POLA1: variants seen among roughly 807,000 people sequenced by gnomAD.
POLA1 encodes the protein DNA polymerase alpha catalytic subunit.
Under a neutral mutation model 124.0 loss-of-function variants are expected in POLA1, and 15 were observed. The observed-to-expected ratio is 0.12, with a 90% CI of 0.08 to 0.19. The LOEUF (loss-of-function observed/expected upper bound fraction) is 0.19. POLA1 is among the 10% of genes least tolerant of loss of function. POLA1 has a pLI of 1.00. For synonymous variants in POLA1, 408 were observed against 389.4 expected (o/e 1.05, Z -0.56); for missense variants, 886 against 1,103.4 (o/e 0.80, Z 2.79).
At chrX:24,788,776 A>G (rs377264516) in intron 26 of POLA1, 58 of 1,200,327 alleles carry the variant, frequency 4.8e-5, no homozygotes, top group Non-Finnish European at 6.3e-5. Context: ...CAATGTCATC[A>G]TCATCTTTAC....
chrX:24,965,464 T>G (rs2048211066), intron 36 of POLA1, among the ~76,000 whole-genome samples: 1 of 112,244 alleles, frequency 8.9e-6, no homozygotes. Context: ...TTCCACTGTA[T>G]GTGAGTTCCT....
intron 36 of POLA1, among the ~76,000 whole-genome samples, chrX:24,960,281 T>C (rs1400814161): frequency 1.8e-5 from 2 of 112,123 alleles, no homozygotes; most frequent in Non-Finnish European, 3.8e-5. Flanking sequence ...TCTACATTCA[T>C]GCTAAATAAA....
chrX:24,827,797 G>A (rs763136087), intron 32 of POLA1, among the ~76,000 whole-genome samples: 14 of 112,201 alleles, frequency 1.2e-4, no homozygotes, highest in Non-Finnish European at 2.4e-4. Context: ...GAAGGACTCC[G>A]TGAGTGGTAG....
intron 26 of POLA1, among the ~76,000 whole-genome samples, chrX:24,781,990 A>C (rs1049418875): frequency 8.9e-6 from 1 of 111,767 alleles, no homozygotes; most frequent in East Asian, 2.8e-4. Flanking sequence ...GTCAGGAGCC[A>C]TGCACTGTTC....
intron 11 of POLA1, among the ~76,000 whole-genome samples, chrX:24,723,742 A>G (rs1930350206): frequency 8.9e-6 from 1 of 112,149 alleles, no homozygotes; most frequent in Non-Finnish European, 1.9e-5. Flanking sequence ...GTGCAATGGC[A>G]CAATCTCGGC....
At position 24,947,443 on chromosome X, in the gene POLA1, A is replaced by AT. The variant is rs1268946337; in HGVS notation, c.4261+16904dup. 8.1e-3 allele frequency among the ~76,000 whole-genome samples: 807 copies of AT among 99,879 alleles called. 3 individuals carry two copies. The highest frequency in any genetic ancestry group is 0.012 in the Admixed American group (109 of 9,136). The allele number at this position is 99,879 out of a possible 115,157, so 86.7% of individuals were successfully genotyped here. On this transcript the variant is annotated intron_variant, in intron 36 of 36. Coordinates refer to ENST00000379068, the MANE Select transcript of POLA1 (RefSeq NM_001330360.2). ...CCACCATGCCTGGCTAATTTTTTGT[A>AT]TTTTTTTTTTAGAGACAAGGTTTTG...
intron 2 of POLA1, among the ~76,000 whole-genome samples, chrX:24,700,708 C>T (rs1459652066): frequency 1.8e-5 from 2 of 111,591 alleles, no homozygotes; most frequent in East Asian, 5.6e-4. Context: ...GGGCTTTCAC[C>T]ATGTTGGTCA....
chrX:24,739,748 G>T (rs1039307776), intron 20 of POLA1, among the ~76,000 whole-genome samples, 198 bp downstream of exon 20: 7 of 112,053 alleles, frequency 6.2e-5, no homozygotes, highest in Non-Finnish European at 3.8e-5. Flanking sequence ...TCCCTCACCT[G>T]TGTTAACACT....
chrX:24,821,589 C>T lies in POLA1; in HGVS notation c.3561+6C>T. On this transcript the variant is annotated splice_donor_region_variant and intron_variant, in intron 31 of 36. Transcript: ENST00000379068. ...TGTCATATGTCATCTGTCAGGTAAA[C>T]TATTGACATTCGTAAGACTCTGACA... 1 of 1,184,664 alleles carries T rather than the reference C, an allele frequency of 8.4e-7. No homozygotes were observed. Among genetic ancestry groups the T allele is most frequent in the Non-Finnish European group, 1.1e-6 (1 of 875,026 alleles).
intron 2 of POLA1, among the ~76,000 whole-genome samples, chrX:24,702,078 T>C (rs953406705): frequency 2.0e-5 from 2 of 100,011 alleles, no homozygotes; most frequent in African/African-American, 7.5e-5. Context: ...TTTTTTTTTT[T>C]TGAGATGGAG....
chrX:24,709,282 A>T (rs1199758258), intron 4 of POLA1, among the ~76,000 whole-genome samples: 1 of 50,466 alleles, frequency 2.0e-5, no homozygotes, highest in African/African-American at 8.4e-5. Context: ...ACGGCTGGCC[A>T]GGCGGGGGGC....
At chrX:24,745,723 A>G (rs1040108568) in intron 24 of POLA1, among the ~76,000 whole-genome samples, 181 bp downstream of exon 24, 1 of 111,899 alleles carries the variant, frequency 8.9e-6, no homozygotes, top group Middle Eastern at 4.3e-3. Context: ...CCATCATCAC[A>G]ATGAGTTTTA....
At chrX:24,810,859 A>G (rs928635962) in intron 28 of POLA1, 59 bp downstream of exon 28, 23 of 568,209 alleles carry the variant, frequency 4.0e-5, no homozygotes, top group South Asian at 8.0e-5. Flanking sequence ...TGTTTCTAAC[A>G]TGGAACACTA....
chrX:24,857,500 T>A (rs1375667937), intron 34 of POLA1, among the ~76,000 whole-genome samples: 1 of 111,876 alleles, frequency 8.9e-6, no homozygotes, highest in East Asian at 2.8e-4. Context: ...TTGACATCTT[T>A]ATTATGTCAA....
At chrX:24,887,849 C>G (rs771650810) in intron 34 of POLA1, among the ~76,000 whole-genome samples, 157 bp from the exon 35 acceptor site, 1 of 105,732 alleles carries the variant, frequency 9.5e-6, no homozygotes, top group Non-Finnish European at 1.9e-5. Flanking sequence ...GGGCATAGAT[C>G]TATCTAATTA....
At chrX:24,967,427 T>C (rs989278060) in intron 36 of POLA1, among the ~76,000 whole-genome samples, 1 of 110,631 alleles carries the variant, frequency 9.0e-6, no homozygotes, top group Non-Finnish European at 1.9e-5. Context: ...CCCAGCACTT[T>C]GGGAGGCTGA....
intron 23 of POLA1, among the ~76,000 whole-genome samples, chrX:24,743,881 TTTTTTTTC>T (rs1459533967): frequency 5.4e-5 from 6 of 110,733 alleles, no homozygotes; most frequent in Non-Finnish European, 1.1e-4. Context: ...TAGAAATAAT[TTTTTTTTC>T]TTTTTTTCTT....
chrX:24,847,956 A>G (rs889503830), intron 34 of POLA1, among the ~76,000 whole-genome samples: 1 of 111,721 alleles, frequency 9.0e-6, no homozygotes, highest in Non-Finnish European at 1.9e-5. Context: ...TTACTTTTCT[A>G]TTTTTTACGG....
chrX:24,859,517 C>A (rs2046689946), intron 34 of POLA1, among the ~76,000 whole-genome samples: 1 of 112,511 alleles, frequency 8.9e-6, no homozygotes, highest in Non-Finnish European at 1.9e-5. Context: ...CTCTGGAAAG[C>A]CTTCTTCACT....
Sources: gnomAD v4.1 joint callset for allele counts (sites outside exome capture counted in the v4.1 genomes callset) on GRCh38, gnomAD v4.1.1 for gene constraint, MANE v1.5 for transcripts, NCBI Gene and HGNC (gene_info 2026-07-23, HGNC 2026-07-21) for gene names.